The following ASAH1 variants were observed in gnomAD, a reference collection of about 807,000 sequenced individuals.
ASAH1 encodes N-acylsphingosine amidohydrolase 1.
A neutral mutation model predicts 59.5 loss-of-function variants in ASAH1; 70 were observed. The ratio of observed to expected loss-of-function variants is 1.18; its 90% CI spans 0.97 to 1.43. The LOEUF (loss-of-function observed/expected upper bound fraction) is 1.43, where lower values mean the gene tolerates loss of function less well. Ranked by LOEUF, ASAH1 falls within the 40% of genes most tolerant of loss-of-function variation. The pLI is 0.00. For missense variants in ASAH1, 660 were observed against 482.5 expected, an observed-to-expected ratio of 1.37 and a Z score of -3.45; for synonymous variants, 213 against 166.5, an observed-to-expected ratio of 1.28 and a Z score of -2.15.
Position 18,059,346 on chromosome 8 carries a change from G to C in ASAH1, c.1036C>G (p.Gln346Glu), listed in dbSNP as rs1371933986. The C allele has an allele frequency of 6.2e-7, 1 of 1,614,198 alleles. No homozygotes were observed. The highest frequency in any genetic ancestry group is 8.5e-7 in the Non-Finnish European group (1 of 1,180,032). ...PAKMCLNRTS[Q>E]ENISFETMYD... ...AGATGACCCTGCAAAGGTACCTCTT[G>C]GCTGGTGCGGTTCAGACACATCTTT... The change falls in exon 12 of 14, where the codon CAA becomes GAA. Residue 346 changes from glutamine (Q) to glutamate (E), a missense_variant. Coordinates refer to ENST00000637790, the MANE Select transcript of ASAH1 (RefSeq NM_177924.5).
At chr8:18,064,118 C>T (rs1799827730) in intron 6 of ASAH1, 1 of 475,186 alleles carries the variant, frequency 2.1e-6, no homozygotes, top group Middle Eastern at 5.7e-4. Context: ...GATGTCATGA[C>T]ATACACGAAG....
At chr8:18,081,036 G>C (rs1800629998) in intron 1 of ASAH1, among the ~76,000 whole-genome samples, 1 of 152,128 alleles carries the variant, frequency 6.6e-6, no homozygotes, top group Non-Finnish European at 1.5e-5. Flanking sequence ...TCTCTCTTCT[G>C]AGTGCCAGTC....
chr8:18,064,571 T>G lies in ASAH1; in HGVS notation c.383-40A>C, dbSNP rs774827564. ...AATTTTGTGTTAATATACAGAACCA[T>G]GACAATGGGAGAAAAATTTGTTTTA... On this transcript the variant is annotated intron_variant, in intron 5 of 13. Transcript: ENST00000637790. The G allele has an allele frequency of 5.3e-6, 6 of 1,140,044 alleles. No individual in the cohort carries two copies. The Admixed American group carries it at 9.3e-5, about 18-fold the overall frequency. The allele number at this position is 1,140,044 out of a possible 1,614,324, so 70.6% of individuals were successfully genotyped here. A position where few individuals can be genotyped will look rare whatever the true frequency, so the allele number is the denominator to read the frequency against.
chr8:18,059,515 A>G, intron 11 of ASAH1, 51 bp from the exon 12 acceptor site: 2 of 1,614,190 alleles, frequency 1.2e-6, no homozygotes, highest in Non-Finnish European at 1.7e-6. Context: ...TTAAAACTCA[A>G]AGTATATCAG....
At chr8:18,084,927 C>T, upstream of ASAH1, 2 of 1,387,928 alleles carry the variant, frequency 1.4e-6, no homozygotes, top group Admixed American at 4.0e-5. Context: ...CATCCGTGGA[C>T]ACAGTCGCGC....
rs1409644333 is a variant in ASAH1, at chr8:18,062,436, T to A, written c.504-13A>T. On this transcript the variant is annotated splice_polypyrimidine_tract_variant and intron_variant, in intron 7 of 13. Coordinates refer to ENST00000637790, the MANE Select transcript of ASAH1 (RefSeq NM_177924.5). Reference sequence around the variant, plus strand: ...ATTTATGTTCCACCTATAAAAGACATGTTTCAGTGACATTTCAGAAACACA... The same window carrying A: ...ATTTATGTTCCACCTATAAAAGACAAGTTTCAGTGACATTTCAGAAACACA... The A allele has an allele frequency of 2.5e-6, 4 of 1,613,880 alleles. No homozygotes were observed. In the East Asian group the frequency reaches 8.9e-5, roughly 36 times the overall value.
chr8:18,062,008 G>A (rs1399626192), intron 8 of ASAH1: 16 of 617,148 alleles, frequency 2.6e-5, no homozygotes, highest in South Asian at 4.0e-5. Flanking sequence ...CTAAGTGAGC[G>A]GAAGACCCAG....
At chr8:18,083,867 A>G in intron 1 of ASAH1, 114 bp downstream of exon 1, 2 of 1,522,402 alleles carry the variant, frequency 1.3e-6, no homozygotes, top group African/African-American at 1.4e-5. Flanking sequence ...ACCCCCGTAA[A>G]GAAGCTGCCC....
Position 18,062,305 on chromosome 8 carries a change from C to T in ASAH1, c.622G>A (p.Val208Met), listed in dbSNP as rs774912301. ...GGTTTGAATCCTGTTAACATGCCCA[C>T]ATAGCCAGCAAAGCTTGAAGCCTTG... ...VFKASSFAGY[V>M]GMLTGFKPGL... The change falls in exon 8 of 14, where the codon GTG (valine) becomes ATG (methionine). Residue 208 changes from valine to methionine, a missense_variant. Coordinates refer to ENST00000637790, the MANE Select transcript of ASAH1 (RefSeq NM_177924.5). The T allele has an allele frequency of 2.2e-5, 35 of 1,614,104 alleles. No homozygotes were observed. Among genetic ancestry groups the T allele is most frequent in the Admixed American group, 1.7e-5 (1 of 60,012 alleles).
In ASAH1 at chr8:18,059,627, A is replaced by G; in HGVS notation, c.862T>C (p.Ser288Pro). 1 of 1,614,162 alleles carries G rather than the reference A, an allele frequency of 6.2e-7. No individual in the cohort carries two copies. The highest frequency in any genetic ancestry group is 8.5e-7 in the Non-Finnish European group (1 of 1,180,028). ...PAYFILGGNQ[S>P]GEGCVITRDR... The stretch of plus-strand genomic sequence containing the variant: ...CGTGTAATCACACAACCTTCCCCAG[A>G]CTGGTTGCCTCCCAGGATAAAGTAG... The change falls in exon 11 of 14, where the codon TCT becomes CCT. Residue 288 changes from serine (S) to proline (P), a missense_variant. Transcript: ENST00000637790.
At chr8:18,061,496 G>C (rs1799697964) in intron 9 of ASAH1, 38 bp from the exon 10 acceptor site, 1 of 1,553,364 alleles carries the variant, frequency 6.4e-7, no homozygotes, top group South Asian at 1.1e-5. Context: ...ACCGGAAGAG[G>C]TGACACTATG....
rs767857158 is a variant in ASAH1 at position 18,071,351 on chromosome 8, G to C, written c.165C>G (p.Asp55Glu). ...CATGCCATCTTTTGTAGGGTGGTAA[G>C]TCAAGATTTATGGTGTACCATGGAA... ...GAVPWYTINL[D>E]LPPYKRWHEL... Residue 55 changes from aspartate to glutamate, a missense_variant, in exon 3 of 14, where the codon GAC (aspartate) becomes GAG (glutamate). Physicochemically the swap from Asp to Glu is conservative, Grantham distance 45. Coordinates refer to ENST00000637790, the MANE Select transcript of ASAH1 (RefSeq NM_177924.5). 3 of 1,604,564 alleles carry C rather than the reference G, an allele frequency of 1.9e-6. No individual in the cohort carries two copies. The highest frequency in any genetic ancestry group is 2.6e-6 in the Non-Finnish European group (3 of 1,173,520).
chr8:18,070,315 A>C (rs1800109642), intron 3 of ASAH1, among the ~76,000 whole-genome samples: 1 of 151,886 alleles, frequency 6.6e-6, no homozygotes, highest in Non-Finnish European at 1.5e-5. Context: ...ATGCCTGGCT[A>C]ATTTTTGTAT....
At position 18,061,892 on chromosome 8, in the gene ASAH1, G is replaced by A. The variant is rs1234368; in HGVS notation, c.649-152C>T. The A allele has an allele frequency of 9.8e-3, 7,829 of 798,464 alleles. 48 individuals are homozygous for A. The highest frequency in any genetic ancestry group is 0.012 in the Non-Finnish European group (5,764 of 481,868). 49.5% of individuals were successfully genotyped at this position (798,464 alleles called of 1,614,324 possible). On this transcript the variant is annotated intron_variant, in intron 8 of 13. Coordinates refer to ENST00000637790, the MANE Select transcript of ASAH1 (RefSeq NM_177924.5). ...AAAACCATAAAAGGCTTTTTAAAAA[G>A]TTCAAAGCATTTTTGATTCTAGTAT... is the stretch of plus-strand genomic sequence containing the variant.
At chr8:18,078,195 C>G (rs1752657302) in intron 1 of ASAH1, among the ~76,000 whole-genome samples, 1 of 152,198 alleles carries the variant, frequency 6.6e-6, no homozygotes, top group Non-Finnish European at 1.5e-5. Flanking sequence ...ATGACATTTG[C>G]ACGCCCTGGG....
intron 4 of ASAH1, 51 bp downstream of exon 4, chr8:18,069,740 CA>C: frequency 7.7e-7 from 1 of 1,302,498 alleles, no homozygotes; most frequent in South Asian, 1.2e-5. Context: ...AAATAAATAA[CA>C]GCGCATTTTC....
At chr8:18,082,637 A>C (rs1648238438) in intron 1 of ASAH1, 1 of 152,204 alleles carries the variant, frequency 6.6e-6, no homozygotes, top group South Asian at 2.1e-4. Context: ...ATCTACAGCA[A>C]AGCCCGGTTC....
chr8:18,067,144 T>TATCTAAGACATACAGCACCA, intron 5 of ASAH1, 76 bp downstream of exon 5: 1 of 1,223,784 alleles, frequency 8.2e-7, no homozygotes, highest in Non-Finnish European at 1.2e-6. Context: ...CTGTGCTGTA[T>TATCTAAGACATACAGCACCA]GTATATCACA....
At position 18,075,564 on chromosome 8, in the gene ASAH1, T is replaced by C; in HGVS notation, c.102A>G (p.Ser34=). 1 of 1,614,202 alleles carries C rather than the reference T, an allele frequency of 6.2e-7. No individual in the cohort carries two copies. Among genetic ancestry groups the C allele is most frequent in the Non-Finnish European group, 8.5e-7 (1 of 1,180,032 alleles). The change falls in exon 2 of 14, where the codon TCA becomes TCG. Residue 34 remains serine (S), a synonymous_variant. Transcript: ENST00000637790. Reference sequence around the variant, plus strand: ...ACGTTGGTCCTGAAGGAGGATAGGTTGATTTTCTGCAGTCCTCTGTCCACT... The same window carrying C: ...ACGTTGGTCCTGAAGGAGGATAGGTCGATTTTCTGCAGTCCTCTGTCCACT... The part of the protein sequence containing the change: ...APPWTEDCRK[S]TYPPSGPTYR...
Sources: allele counts gnomAD v4.1 joint callset (sites outside exome capture counted in the v4.1 genomes callset), GRCh38; gene constraint gnomAD v4.1.1; transcripts MANE v1.5; gene names NCBI Gene and HGNC (gene_info 2026-07-23, HGNC 2026-07-21).